The following GALNT13 variants were observed in gnomAD, a reference collection of about 807,000 sequenced individuals.
GALNT13 encodes polypeptide N-acetylgalactosaminyltransferase 13.
Under a neutral mutation model 64.2 loss-of-function variants are expected in GALNT13, and 28 were observed. That is an observed-to-expected ratio of 0.44 (90% CI 0.32 to 0.60). The LOEUF is 0.60. Among genes scored for constraint, GALNT13 ranks in the 20% least tolerant of loss-of-function variants. The pLI, the probability that GALNT13 is intolerant of heterozygous loss-of-function variation, is 0.05. For missense variants in GALNT13, 577 were observed against 669.8 expected, an observed-to-expected ratio of 0.86 and a Z score of 1.53; for synonymous variants, 214 against 224.6, an observed-to-expected ratio of 0.95 and a Z score of 0.42.
chr2:153,457,085 T>G, the GALNT13 span, among the ~76,000 whole-genome samples: 1 of 152,160 alleles, frequency 6.6e-6, no homozygotes, highest in Non-Finnish European at 1.5e-5. Flanking sequence ...CTTTCTTGAG[T>G]CCTTTGACAC....
At chr2:154,379,071 A>G (rs1425708785) in intron 9 of GALNT13, among the ~76,000 whole-genome samples, 2 of 152,150 alleles carry the variant, frequency 1.3e-5, no homozygotes, top group African/African-American at 4.8e-5. Flanking sequence ...GTGGCTAGAA[A>G]TACATAATGT....
At chr2:153,303,312 C>T in the GALNT13 span, among the ~76,000 whole-genome samples, 76,975 of 151,884 alleles carry the variant, frequency 0.51, 20,117 homozygotes, top group Non-Finnish European at 0.57. Context: ...GTAGCTATTA[C>T]AAATGAGACT....
the GALNT13 span, among the ~76,000 whole-genome samples, chr2:153,397,006 A>C: frequency 9.9e-5 from 15 of 152,266 alleles, no homozygotes; most frequent in East Asian, 2.7e-3. Context: ...ATGGCAAGCT[A>C]TGATGGAACA....
chr2:153,952,199 A>G (rs951871535), intron 3 of GALNT13, among the ~76,000 whole-genome samples: 3 of 152,184 alleles, frequency 2.0e-5, no homozygotes, highest in African/African-American at 7.2e-5. Context: ...AAAAAGCCCA[A>G]TGATGCCACA....
chr2:154,123,103 T>C (rs879573151), intron 3 of GALNT13, among the ~76,000 whole-genome samples: 1 of 151,902 alleles, frequency 6.6e-6, no homozygotes, highest in Admixed American at 6.6e-5. Context: ...CTTTCAAAAC[T>C]GAAGAATAAA....
the GALNT13 span, among the ~76,000 whole-genome samples, chr2:153,271,154 G>A: frequency 6.6e-6 from 1 of 152,124 alleles, no homozygotes; most frequent in African/African-American, 2.4e-5. Context: ...CAAACCCACA[G>A]CAAATATCAT....
At chr2:153,835,635 T>C in the GALNT13 span, among the ~76,000 whole-genome samples, 1 of 152,062 alleles carries the variant, frequency 6.6e-6, no homozygotes, top group African/African-American at 2.4e-5. Context: ...TTTTAAAATA[T>C]AGAAATACTT....
At chr2:153,502,523 A>G in the GALNT13 span, among the ~76,000 whole-genome samples, 1 of 152,214 alleles carries the variant, frequency 6.6e-6, no homozygotes, top group Non-Finnish European at 1.5e-5. Context: ...ATATTTTTGC[A>G]ATTGCAAATT....
chr2:154,178,408 G>A (rs1559007483), intron 4 of GALNT13, among the ~76,000 whole-genome samples: 1 of 129,408 alleles, frequency 7.7e-6, no homozygotes, highest in African/African-American at 2.9e-5. Context: ...ACACACCGGG[G>A]ACTGTTGTGG....
chr2:154,199,669 A>C (rs1370208629), intron 4 of GALNT13, among the ~76,000 whole-genome samples: 1 of 151,862 alleles, frequency 6.6e-6, no homozygotes, highest in Non-Finnish European at 1.5e-5. Flanking sequence ...TTTATCTATT[A>C]GTAAAAAAAC....
chr2:153,343,628 G>C, the GALNT13 span, among the ~76,000 whole-genome samples: 1 of 152,046 alleles, frequency 6.6e-6, no homozygotes, highest in Non-Finnish European at 1.5e-5. Flanking sequence ...GCTCATTCTT[G>C]CATAACATTT....
At chr2:154,017,129 C>T (rs1697063414) in intron 3 of GALNT13, among the ~76,000 whole-genome samples, 2 of 152,104 alleles carry the variant, frequency 1.3e-5, no homozygotes, top group Admixed American at 1.3e-4. Context: ...AGCTGTATCC[C>T]AGAAAGGGCA....
the GALNT13 span, among the ~76,000 whole-genome samples, chr2:153,282,090 T>G: frequency 1.3e-5 from 2 of 152,254 alleles, no homozygotes; most frequent in South Asian, 4.1e-4. Flanking sequence ...TCAAATAGTT[T>G]CTTCATTCTT....
chr2:154,287,192 A>G lies in GALNT13; in HGVS notation c.976-14217A>G, dbSNP rs945087040. On this transcript the variant is annotated intron_variant, in intron 8 of 12. Coordinates refer to ENST00000392825, the MANE Select transcript of GALNT13 (RefSeq NM_052917.4). ...ACAATTGGCTCAGCAGGAAGCAGAG[A>G]GGGCCAGATTTGTGGTGGAAAAGGC... 7 of 1,484,922 alleles carry G rather than the reference A, an allele frequency of 4.7e-6. No homozygotes were observed. In the African/African-American group the frequency reaches 8.3e-5, roughly 18 times the overall value. The allele number at this position is 1,484,922 out of a possible 1,614,324, so 92.0% of individuals were successfully genotyped here. A position where few individuals can be genotyped will look rare whatever the true frequency, so the allele number is the denominator to read the frequency against.
intron 10 of GALNT13, 56 bp from the exon 11 acceptor site, chr2:154,408,928 C>G (rs1574252909): frequency 9.3e-7 from 1 of 1,078,328 alleles, no homozygotes; most frequent in East Asian, 2.4e-5. Flanking sequence ...GATTTGATGA[C>G]TTAAATAACT....
the GALNT13 span, among the ~76,000 whole-genome samples, chr2:153,303,500 A>G: frequency 1.3e-5 from 2 of 152,192 alleles, no homozygotes; most frequent in Admixed American, 1.3e-4. Context: ...ATTGTCTGCA[A>G]ACAGACAGTC....
the GALNT13 span, among the ~76,000 whole-genome samples, chr2:153,675,167 A>C: frequency 1.3e-5 from 2 of 152,180 alleles, no homozygotes; most frequent in African/African-American, 4.8e-5. Flanking sequence ...AACTAGAAAT[A>C]CCATTTGGCC....
At chr2:153,403,363 A>G in the GALNT13 span, among the ~76,000 whole-genome samples, 67 of 152,098 alleles carry the variant, frequency 4.4e-4, no homozygotes, top group African/African-American at 9.6e-4. Flanking sequence ...AGTCTGCAGA[A>G]GTTACTGCTG....
At chr2:153,780,234 T>TATATATGC in the GALNT13 span, among the ~76,000 whole-genome samples, 38 of 10,552 alleles carry the variant, frequency 3.6e-3, 1 homozygote, top group African/African-American at 7.6e-3. Flanking sequence ...TATATATATA[T>TATATATGC]ATATATATAT....
Sources: gnomAD v4.1 joint callset for allele counts (sites outside exome capture counted in the v4.1 genomes callset) on GRCh38, gnomAD v4.1.1 for gene constraint, MANE v1.5 for transcripts, NCBI Gene and HGNC (gene_info 2026-07-23, HGNC 2026-07-21) for gene names.